Variants in SNX21 observed in about 807,000 individuals in gnomAD.
SNX21 encodes the protein sorting nexin family member 21, also known as sorting nexin-21.
In SNX21, 36 loss-of-function variants were observed where a neutral mutation model predicts 30.9. The ratio of observed to expected loss-of-function variants is 1.16; its 90% CI spans 0.89 to 1.54. The LOEUF is 1.54. Among genes scored for constraint, SNX21 ranks in the 40% most tolerant of loss-of-function variants. The pLI, the probability that SNX21 is intolerant of heterozygous loss-of-function variation, is 0.00. For synonymous variants in SNX21, 218 were observed against 222.7 expected (o/e 0.98, Z 0.19); for missense variants, 508 against 516.5 (o/e 0.98, Z 0.16).
At chr20:45,835,221 T>C (rs1274834046) in intron 3 of SNX21, 105 bp downstream of exon 3, 4 of 1,280,876 alleles carry the variant, frequency 3.1e-6, no homozygotes. Context: ...TATAAATGGT[T>C]ACCTTGTTTA....
rs1012770791 is a variant in SNX21 at position 45,833,891 on chromosome 20, C to T, written c.-29C>T. On this transcript the variant is annotated 5_prime_UTR_variant, in exon 1 of 4. Coordinates refer to ENST00000491381, the MANE Select transcript of SNX21 (RefSeq NM_033421.4). ...TCCATGGGCTGCGGGGGGCTGCACC[C>T]GGACCCCTGGGGCGCGGCGCGCCCC... is the stretch of plus-strand genomic sequence containing the variant. 3 of 1,364,972 alleles carry T rather than the reference C, an allele frequency of 2.2e-6. No individual in the cohort carries two copies. The highest frequency in any genetic ancestry group is 1.5e-5 in the African/African-American group (1 of 65,136). 84.6% of individuals were successfully genotyped at this position (1,364,972 alleles called of 1,614,324 possible).
chr20:45,843,138 G>C lies in SNX21; in HGVS notation c.*1825G>C, dbSNP rs752961489. The stretch of plus-strand genomic sequence containing the variant: ...TGGAATCAGAATCTATTTTGAAAAG[G>C]CATCCCCAAATGGCAGTCTGATGGA... On this transcript the variant is annotated 3_prime_UTR_variant, in exon 4 of 4. Transcript: ENST00000491381. 6.9e-6 allele frequency: 6 copies of C among 870,294 alleles called. No homozygotes were observed. Among genetic ancestry groups the C allele is most frequent in the South Asian group, 1.8e-5 (1 of 55,386 alleles). The allele number at this position is 870,294 out of a possible 1,614,324, so 53.9% of individuals were successfully genotyped here. A position where few individuals can be genotyped will look rare whatever the true frequency, so the allele number is the denominator to read the frequency against.
At position 45,843,055 on chromosome 20, in the gene SNX21, C is replaced by T. The variant is rs1984361294; in HGVS notation, c.*1742C>T. On this transcript the variant is annotated 3_prime_UTR_variant, in exon 4 of 4. Transcript: ENST00000491381. Reference sequence around the variant, plus strand: ...AGGTTAATCAGAATCACTTAGAGAACTTAAAAATACAGTTTCCTGGACCTT... The same window carrying T: ...AGGTTAATCAGAATCACTTAGAGAATTTAAAAATACAGTTTCCTGGACCTT... The T allele has an allele frequency of 2.2e-5, 25 of 1,148,954 alleles. 1 individual carries two copies. In the South Asian group the frequency reaches 3.2e-4, roughly 15 times the overall value. 71.2% of individuals were successfully genotyped at this position (1,148,954 alleles called of 1,614,324 possible). A position where few individuals can be genotyped will look rare whatever the true frequency, so the allele number is the denominator to read the frequency against.
In SNX21 at chr20:45,840,680, C is replaced by T; in HGVS notation, c.489C>T (p.Cys163=). The T allele has an allele frequency of 6.2e-7, 1 of 1,613,608 alleles. No homozygotes were observed. Among genetic ancestry groups the T allele is most frequent in the Non-Finnish European group, 8.5e-7 (1 of 1,179,496 alleles). Residue 163 remains cysteine (C), a synonymous_variant, in exon 4 of 4, where the codon TGC becomes TGT. Coordinates refer to ENST00000491381, the MANE Select transcript of SNX21 (RefSeq NM_033421.4). ...TGATCGGCCCAGGACCGCCAGATTG[C>T]CAGCCAGCCCAGATCTCTCGCCGTT... is the stretch of plus-strand genomic sequence containing the variant. The part of the protein sequence containing the change: ...LAVIGPGPPD[C]QPAQISRRYS...
In SNX21 at chr20:45,843,142, C is replaced by T; in HGVS notation, c.*1829C>T. The T allele has an allele frequency of 5.1e-6, 4 of 789,808 alleles. No homozygotes were observed. Among genetic ancestry groups the T allele is most frequent in the Non-Finnish European group, 6.9e-6 (4 of 579,436 alleles). The allele number at this position is 789,808 out of a possible 1,614,324, so 48.9% of individuals were successfully genotyped here. A position where few individuals can be genotyped will look rare whatever the true frequency, so the allele number is the denominator to read the frequency against. ...ATCAGAATCTATTTTGAAAAGGCAT[C>T]CCCAAATGGCAGTCTGATGGACTGC... On this transcript the variant is annotated 3_prime_UTR_variant, in exon 4 of 4. Transcript: ENST00000491381.
At position 45,841,975 on chromosome 20, in the gene SNX21, G is replaced by A. The variant is rs1378900903; in HGVS notation, c.*662G>A. On this transcript the variant is annotated 3_prime_UTR_variant, in exon 4 of 4. Coordinates refer to ENST00000491381, the MANE Select transcript of SNX21 (RefSeq NM_033421.4). ...GAGCCACCTGTGGGTGAGGTGAAGG[G>A]TGATGATGGCCTGCTTCAGAACAGC... 5 of 1,612,698 alleles carry A rather than the reference G, an allele frequency of 3.1e-6. No individual in the cohort carries two copies. The African/African-American group carries it at 4.0e-5, about 13-fold the overall frequency.
At chr20:45,840,379 C>G in intron 3 of SNX21, 1 of 1,614,030 alleles carries the variant, frequency 6.2e-7, no homozygotes, top group Non-Finnish European at 8.5e-7. Context: ...AAAGGGGCAG[C>G]AGCCCCGGGC....
chr20:45,842,571 G>A lies in SNX21; in HGVS notation c.*1258G>A. 11 of 995,654 alleles carry A rather than the reference G, an allele frequency of 1.1e-5. No individual in the cohort carries two copies. Among genetic ancestry groups the A allele is most frequent in the Non-Finnish European group, 1.3e-5 (11 of 836,212 alleles). 61.7% of individuals were successfully genotyped at this position (995,654 alleles called of 1,614,324 possible). A position where few individuals can be genotyped will look rare whatever the true frequency, so the allele number is the denominator to read the frequency against. On this transcript the variant is annotated 3_prime_UTR_variant, in exon 4 of 4. Transcript: ENST00000491381. ...GTCTGGCCTCTTCCCTCCCCATCTG[G>A]AGACTCTTTCTCCCTTGCTGGCTTT...
Position 45,842,789 on chromosome 20 carries a change from G to T in SNX21, c.*1476G>T. ...ATCTGAACCCATGTCCTCACTTCAA[G>T]GTTATCAATCTTGGATTGTGATGCT... On this transcript the variant is annotated 3_prime_UTR_variant, in exon 4 of 4. Transcript: ENST00000491381. 3.0e-6 allele frequency: 3 copies of T among 990,586 alleles called. No homozygotes were observed. Among genetic ancestry groups the T allele is most frequent in the Non-Finnish European group, 3.6e-6 (3 of 832,976 alleles). 61.4% of individuals were successfully genotyped at this position (990,586 alleles called of 1,614,324 possible).
intron 3 of SNX21, chr20:45,840,270 A>G (rs2145747022): frequency 6.7e-7 from 1 of 1,481,754 alleles, no homozygotes; most frequent in African/African-American, 1.4e-5. Flanking sequence ...AGCTGGTCCT[A>G]AAGGAGCCCC....
Position 45,841,098 on chromosome 20 carries a change from C to T in SNX21, c.907C>T (p.Arg303Trp), listed in dbSNP as rs200219043. The change falls in exon 4 of 4, where the codon CGG becomes TGG. Residue 303 changes from arginine to tryptophan, a missense_variant. Transcript: ENST00000491381. ...GGAGCTGGAAGACCCTGGAGAGGCC[C>T]GGGCATGCTGTGAGAAGGCCCTGCA... ...HQELEDPGEARACCEKALQLL... is the reference protein window; with the variant it reads ...HQELEDPGEAWACCEKALQLL... The T allele has an allele frequency of 6.4e-5, 103 of 1,609,108 alleles. No individual in the cohort carries two copies. Among genetic ancestry groups the T allele is most frequent in the Admixed American group, 3.0e-4 (18 of 59,458 alleles).
intron 3 of SNX21, among the ~76,000 whole-genome samples, chr20:45,836,010 C>G (rs1413870877): frequency 6.6e-6 from 1 of 152,170 alleles, no homozygotes; most frequent in Non-Finnish European, 1.5e-5. Flanking sequence ...CTGTCAGTGG[C>G]AGCTCTCCAT....
Position 45,841,963 on chromosome 20 carries a change from G to A in SNX21, c.*650G>A. 5 of 1,613,108 alleles carry A rather than the reference G, an allele frequency of 3.1e-6. No individual in the cohort carries two copies. The highest frequency in any genetic ancestry group is 4.2e-6 in the Non-Finnish European group (5 of 1,179,956). ...ACCAGCCCCCGAGAGCCACCTGTGGGTGAGGTGAAGGGTGATGATGGCCTG... is the reference window on the plus strand; with the variant it reads ...ACCAGCCCCCGAGAGCCACCTGTGGATGAGGTGAAGGGTGATGATGGCCTG... On this transcript the variant is annotated 3_prime_UTR_variant, in exon 4 of 4. Coordinates refer to ENST00000491381, the MANE Select transcript of SNX21 (RefSeq NM_033421.4).
In SNX21 at chr20:45,841,712, G is replaced by A; in HGVS notation, c.*399G>A. The A allele has an allele frequency of 7.0e-7, 1 of 1,418,902 alleles. No individual in the cohort carries two copies. The highest frequency in any genetic ancestry group is 1.6e-5 in the South Asian group (1 of 64,300). 87.9% of individuals were successfully genotyped at this position (1,418,902 alleles called of 1,614,324 possible). A position where few individuals can be genotyped will look rare whatever the true frequency, so the allele number is the denominator to read the frequency against. ...CAGGTCTGGCCCAGGGGAATTAAAAGCCAGCCACTCCAGTGGTATCAGTCT... is the reference window on the plus strand; with the variant it reads ...CAGGTCTGGCCCAGGGGAATTAAAAACCAGCCACTCCAGTGGTATCAGTCT... On this transcript the variant is annotated 3_prime_UTR_variant, in exon 4 of 4. Transcript: ENST00000491381.
chr20:45,842,112 A>G lies in SNX21; in HGVS notation c.*799A>G, dbSNP rs1984226451. The G allele has an allele frequency of 6.5e-7, 1 of 1,534,496 alleles. No individual in the cohort carries two copies. The highest frequency in any genetic ancestry group is 1.4e-5 in the African/African-American group (1 of 72,714). On this transcript the variant is annotated 3_prime_UTR_variant, in exon 4 of 4. Coordinates refer to ENST00000491381, the MANE Select transcript of SNX21 (RefSeq NM_033421.4). Reference sequence around the variant, plus strand: ...CGCCTCAGCCTCCTGAGCAGCTGGGATTACAGGCGCACATCACCATGCCCA... The same window carrying G: ...CGCCTCAGCCTCCTGAGCAGCTGGGGTTACAGGCGCACATCACCATGCCCA...
chr20:45,842,815 A>C lies in SNX21; in HGVS notation c.*1502A>C. The C allele has an allele frequency of 4.0e-6, 4 of 991,210 alleles. No homozygotes were observed. Among genetic ancestry groups the C allele is most frequent in the African/African-American group, 3.5e-5 (2 of 57,370 alleles). 61.4% of individuals were successfully genotyped at this position (991,210 alleles called of 1,614,324 possible). On this transcript the variant is annotated 3_prime_UTR_variant, in exon 4 of 4. Transcript: ENST00000491381. ...GTTATCAATCTTGGATTGTGATGCT[A>C]TTGGTACTTGAGAATACCCCTTATC...
chr20:45,838,100 C>T (rs1300757819), intron 3 of SNX21, among the ~76,000 whole-genome samples: 2 of 143,834 alleles, frequency 1.4e-5, no homozygotes, highest in African/African-American at 2.6e-5. Context: ...ATAAGTTTAT[C>T]GAGACGGAGT....
In SNX21 at chr20:45,842,671, G is replaced by GT. The variant is rs1458717513; in HGVS notation, c.*1359dup. 28 of 989,288 alleles carry GT rather than the reference G, an allele frequency of 2.8e-5. No homozygotes were observed. The highest frequency in any genetic ancestry group is 3.1e-5 in the Non-Finnish European group (26 of 832,316). 61.3% of individuals were successfully genotyped at this position (989,288 alleles called of 1,614,324 possible). ...TAGCAGAGCTCACTCAGTTCTCACA[G>GT]TAGCCAAATGAAGCAGTTATGTGTT... On this transcript the variant is annotated 3_prime_UTR_variant, in exon 4 of 4. Transcript: ENST00000491381.
intron 1 of SNX21, 35 bp from the exon 2 acceptor site, chr20:45,834,166 G>T: frequency 6.9e-7 from 1 of 1,454,222 alleles, no homozygotes; most frequent in East Asian, 2.5e-5. Flanking sequence ...CCCCTCCTCC[G>T]GGATCCGGTA....
Sources: gnomAD v4.1 joint callset for allele counts (sites outside exome capture counted in the v4.1 genomes callset) on GRCh38, gnomAD v4.1.1 for gene constraint, MANE v1.5 for transcripts, NCBI Gene and HGNC (gene_info 2026-07-23, HGNC 2026-07-21) for gene names.